Variants in UNC79 observed in about 807,000 individuals in gnomAD.
UNC79 encodes unc-79 subunit of NALCN channel complex, also known as protein unc-79 homolog.
A neutral mutation model predicts 283.1 loss-of-function variants in UNC79; 37 were observed. The ratio of observed to expected loss-of-function variants is 0.13; its 90% CI spans 0.10 to 0.17. UNC79 has a LOEUF of 0.17. Ranked by LOEUF, UNC79 falls within the 10% of genes least tolerant of loss-of-function variation. UNC79 has a pLI of 1.00. For missense variants in UNC79, 2,272 were observed against 3,211.1 expected, an observed-to-expected ratio of 0.71 and a Z score of 7.07; for synonymous variants, 1,107 against 1,200.2, an observed-to-expected ratio of 0.92 and a Z score of 1.61.
At chr14:93,491,308 AAT>A (rs922126742) in intron 5 of UNC79, among the ~76,000 whole-genome samples, 4 of 151,748 alleles carry the variant, frequency 2.6e-5, no homozygotes, top group African/African-American at 9.7e-5. Flanking sequence ...ATATAATTAA[AAT>A]ATATATATGG....
intron 1 of UNC79, chr14:93,466,809 G>A (rs2057204638): frequency 1.0e-6 from 1 of 978,258 alleles, no homozygotes; most frequent in Non-Finnish European, 1.2e-6. Context: ...GGCTCCTTGG[G>A]ATTTGCAAAG....
At chr14:93,649,485 C>G (rs896405031) in intron 35 of UNC79, among the ~76,000 whole-genome samples, 1 of 152,042 alleles carries the variant, frequency 6.6e-6, no homozygotes, top group Non-Finnish European at 1.5e-5. Flanking sequence ...GAGTAAATTT[C>G]AGATATTAGA....
intron 1 of UNC79, among the ~76,000 whole-genome samples, chr14:93,375,712 A>G: frequency 6.6e-6 from 1 of 152,052 alleles, no homozygotes; most frequent in Non-Finnish European, 1.5e-5. Context: ...GGTGCTGCAT[A>G]CTTCTAAATG....
chr14:93,344,996 A>G (rs892839074), intron 1 of UNC79, among the ~76,000 whole-genome samples: 4 of 152,190 alleles, frequency 2.6e-5, no homozygotes, highest in African/African-American at 9.6e-5. Flanking sequence ...CCAGGAGTTC[A>G]AGACCAGCCT....
intron 33 of UNC79, 27 bp from the exon 37 acceptor site, chr14:93,643,530 G>GAAA: frequency 1.2e-6 from 2 of 1,613,566 alleles, no homozygotes; most frequent in Non-Finnish European, 1.7e-6. Flanking sequence ...TTCTTTCATG[G>GAAA]AAAGCATGTC....
chr14:93,369,909 T>C (rs554230334), intron 1 of UNC79, among the ~76,000 whole-genome samples: 43 of 152,302 alleles, frequency 2.8e-4, no homozygotes, highest in Middle Eastern at 3.4e-3. Flanking sequence ...GCTTTAGCCT[T>C]CCATGTGGGA....
chr14:93,391,878 C>A (rs562408379), intron 1 of UNC79, among the ~76,000 whole-genome samples: 1 of 152,316 alleles, frequency 6.6e-6, no homozygotes, highest in African/African-American at 2.4e-5. Context: ...ACTCAGTAAT[C>A]AGTGAATTGC....
intron 20 of UNC79, among the ~76,000 whole-genome samples, chr14:93,584,962 G>A (rs1036099305): frequency 6.6e-6 from 1 of 151,970 alleles, no homozygotes; most frequent in African/African-American, 2.4e-5. Flanking sequence ...CTCCCAAAGT[G>A]CTAGGATTAC....
chr14:93,551,741 A>G lies in UNC79; in HGVS notation c.1755+9045A>G, dbSNP rs140799378. On this transcript the variant is annotated intron_variant, in intron 14 of 48. Transcript: ENST00000555664. ...TGGGTTTTGAGATCAGTGGGAATGT[A>G]TGAAAGAATGCTCTAGTGGGTGTGA... Among the ~76,000 whole-genome samples the G allele has an allele frequency of 2.0e-4, 30 of 152,364 alleles. No individual in the cohort carries two copies. The East Asian group carries it at 5.6e-3, about 28-fold the overall frequency.
intron 1 of UNC79, among the ~76,000 whole-genome samples, chr14:93,403,907 T>TCTTATA (rs1475788445): frequency 1.3e-5 from 2 of 151,216 alleles, no homozygotes; most frequent in Non-Finnish European, 2.9e-5. Context: ...TGAGCTAGAC[T>TCTTATA]CTTATATCCA....
At chr14:93,694,454 T>C in intron 47 of UNC79, 42 bp downstream of exon 50, 1 of 1,535,936 alleles carries the variant, frequency 6.5e-7, no homozygotes, top group Non-Finnish European at 9.0e-7. Context: ...TTCTTACTGC[T>C]AAAAACAAAT....
At chr14:93,473,484 T>G (rs2057633343) in intron 2 of UNC79, among the ~76,000 whole-genome samples, 1 of 152,200 alleles carries the variant, frequency 6.6e-6, no homozygotes, top group Admixed American at 6.5e-5. Context: ...TTAAACTTCA[T>G]TATCTCAAAT....
chr14:93,421,726 A>G lies in UNC79; in HGVS notation c.-350-45945A>G, dbSNP rs924000725. ...CCTCAACAAAATACTAGCAAACCAA[A>G]TTTAACAACACATCTTAAACAAAGA... On this transcript the variant is annotated intron_variant, in intron 1 of 49. Transcript: ENST00000256339. Among the ~76,000 whole-genome samples, 9 of 151,360 alleles carry G rather than the reference A, an allele frequency of 5.9e-5. 1 individual carries two copies. The highest frequency in any genetic ancestry group is 1.3e-4 in the Non-Finnish European group (9 of 67,764).
intron 14 of UNC79, among the ~76,000 whole-genome samples, chr14:93,557,792 C>G (rs943269829): frequency 6.6e-6 from 1 of 152,188 alleles, no homozygotes; most frequent in African/African-American, 2.4e-5. Flanking sequence ...ATGGGCAAAG[C>G]CTTAGCCACA....
At chr14:93,521,816 G>T (rs181299253) in intron 7 of UNC79, among the ~76,000 whole-genome samples, 3 of 147,436 alleles carry the variant, frequency 2.0e-5, no homozygotes, top group African/African-American at 7.5e-5. Flanking sequence ...TTTGCCACAA[G>T]ATAAGGTATG....
intron 1 of UNC79, among the ~76,000 whole-genome samples, chr14:93,367,718 C>T (rs1033717247): frequency 6.6e-6 from 1 of 152,040 alleles, no homozygotes; most frequent in African/African-American, 2.4e-5. Flanking sequence ...TGTGTTAGTC[C>T]CTTGTCTTGG....
chr14:93,614,083 A>C (rs1029406176), intron 27 of UNC79, among the ~76,000 whole-genome samples: 4 of 151,718 alleles, frequency 2.6e-5, no homozygotes. Context: ...GGTATCATCA[A>C]GGGAGCATGG....
At chr14:93,578,509 G>T (rs1342581694) in intron 18 of UNC79, among the ~76,000 whole-genome samples, 1 of 152,076 alleles carries the variant, frequency 6.6e-6, no homozygotes, top group Non-Finnish European at 1.5e-5. Context: ...CAGATTTGCA[G>T]AAAAGTTACA....
chr14:93,681,558 C>CCGAG (rs1189152932), intron 41 of UNC79, among the ~76,000 whole-genome samples: 1 of 152,202 alleles, frequency 6.6e-6, no homozygotes, highest in East Asian at 1.9e-4. Flanking sequence ...GTGACAGGGA[C>CCGAG]CGAGCCTGCT....
Sources: allele counts gnomAD v4.1 joint callset (sites outside exome capture counted in the v4.1 genomes callset), GRCh38; gene constraint gnomAD v4.1.1; transcripts MANE v1.5; gene names NCBI Gene and HGNC (gene_info 2026-07-23, HGNC 2026-07-21).